The following LCN10 variants were observed in gnomAD, a reference collection of about 807,000 sequenced individuals.
LCN10 encodes lipocalin 10.
A neutral mutation model predicts 25.1 loss-of-function variants in LCN10; 18 were observed. The observed-to-expected ratio is 0.72, with a 90% CI of 0.50 to 1.06. LCN10 has a LOEUF of 1.06. LCN10 is among the 50% of genes least tolerant of loss of function. The pLI is 0.00. For missense variants in LCN10, 257 were observed against 258.9 expected, an observed-to-expected ratio of 0.99 and a Z score of 0.05; for synonymous variants, 130 against 116.7, an observed-to-expected ratio of 1.11 and a Z score of -0.73.
At chr9:136,741,229 C>T (rs759465857) in intron 3 of LCN10, 23 bp downstream of exon 3, 6 of 1,604,014 alleles carry the variant, frequency 3.7e-6, no homozygotes, top group Non-Finnish European at 5.1e-6. Flanking sequence ...GCAGCTCCTC[C>T]AGGGCCCAGA....
chr9:136,740,719 C>T lies in LCN10; in HGVS notation c.475+117G>A, dbSNP rs2131068881. ...ATTGCCCCTGCCCTGACCACCGCCCCAACCCCCACTCTCCCTGCCCGCCTC... is the reference window on the plus strand; with the variant it reads ...ATTGCCCCTGCCCTGACCACCGCCCTAACCCCCACTCTCCCTGCCCGCCTC... On this transcript the variant is annotated intron_variant, in intron 4 of 5. Transcript: ENST00000497771. The surrounding 1 kb of genome is among the most constrained non-coding windows in gnomAD (Gnocchi z 5.3). 1 of 749,780 alleles carries T rather than the reference C, an allele frequency of 1.3e-6. No individual in the cohort carries two copies. Among genetic ancestry groups the T allele is most frequent in the Non-Finnish European group, 2.2e-6 (1 of 460,410 alleles). 46.4% of individuals were successfully genotyped at this position (749,780 alleles called of 1,614,324 possible). A position where few individuals can be genotyped will look rare whatever the true frequency, so the allele number is the denominator to read the frequency against.
At position 136,740,747 on chromosome 9, in the gene LCN10, C is replaced by CTCCTGCG; in HGVS notation, c.475+88_475+89insCGCAGGA. ...CCCCCACTCTCCCTGCCCGCCTCAC[C>CTCCTGCG]TCCTGCCCGGCCCCCTGTGCCCAGC... On this transcript the variant is annotated intron_variant, in intron 4 of 5. Coordinates refer to ENST00000497771, the MANE Select transcript of LCN10 (RefSeq NM_001001712.3). The surrounding 1 kb of genome is among the most constrained non-coding windows in gnomAD (Gnocchi z 5.3). The CTCCTGCG allele has an allele frequency of 1.0e-6, 1 of 1,003,600 alleles. No homozygotes were observed. Among genetic ancestry groups the CTCCTGCG allele is most frequent in the Admixed American group, 2.2e-5 (1 of 44,450 alleles). The allele number at this position is 1,003,600 out of a possible 1,614,324, so 62.2% of individuals were successfully genotyped here. A position where few individuals can be genotyped will look rare whatever the true frequency, so the allele number is the denominator to read the frequency against.
At position 136,739,726 on chromosome 9, in the gene LCN10, C is replaced by T. The variant is rs1049963218; in HGVS notation, c.575-173G>A. On this transcript the variant is annotated intron_variant, in intron 5 of 5. Coordinates refer to ENST00000497771, the MANE Select transcript of LCN10 (RefSeq NM_001001712.3). The surrounding 1 kb of genome is among the most constrained non-coding windows in gnomAD (Gnocchi z 6.1). The stretch of plus-strand genomic sequence containing the variant: ...AGCCACAGCCACGGCATCGCCTGGT[C>T]GGATGCAGCATCTGCTCCGGACGCC... The T allele has an allele frequency of 1.1e-5, 8 of 743,954 alleles. No homozygotes were observed. The East Asian group carries it at 1.1e-4, about 10-fold the overall frequency. 46.1% of individuals were successfully genotyped at this position (743,954 alleles called of 1,614,324 possible).
In LCN10 at chr9:136,739,718, C is replaced by T. The variant is rs933785624; in HGVS notation, c.575-165G>A. On this transcript the variant is annotated intron_variant, in intron 5 of 5. Coordinates refer to ENST00000497771, the MANE Select transcript of LCN10 (RefSeq NM_001001712.3). This position sits in a 1 kb window ranked among gnomAD's most constrained non-coding sequence, Gnocchi z 6.1. The stretch of plus-strand genomic sequence containing the variant: ...GATCCTGCAGCCACAGCCACGGCAT[C>T]GCCTGGTCGGATGCAGCATCTGCTC... The T allele has an allele frequency of 8.0e-6, 6 of 752,242 alleles. No individual in the cohort carries two copies. Among genetic ancestry groups the T allele is most frequent in the African/African-American group, 3.4e-5 (2 of 58,020 alleles). The allele number at this position is 752,242 out of a possible 1,614,324, so 46.6% of individuals were successfully genotyped here. A position where few individuals can be genotyped will look rare whatever the true frequency, so the allele number is the denominator to read the frequency against.
chr9:136,738,538 A>T lies in LCN10; in HGVS notation c.*987T>A, dbSNP rs934951146. On this transcript the variant is annotated 3_prime_UTR_variant, in exon 6 of 6. Coordinates refer to ENST00000497771, the MANE Select transcript of LCN10 (RefSeq NM_001001712.3). ...CTTTGGGATCCCCTTGGCCAGAAGA[A>T]GGTCCATTCATTCAGTTGGGGGGTT... The T allele has an allele frequency of 2.0e-5, 3 of 152,126 alleles. No individual in the cohort carries two copies. Among genetic ancestry groups the T allele is most frequent in the Non-Finnish European group, 4.4e-5 (3 of 68,020 alleles). 9.4% of individuals were successfully genotyped at this position (152,126 alleles called of 1,614,324 possible). A position where few individuals can be genotyped will look rare whatever the true frequency, so the allele number is the denominator to read the frequency against.
At position 136,739,949 on chromosome 9, in the gene LCN10, C is replaced by A. The variant is rs747058652; in HGVS notation, c.574+1G>T. On this transcript the variant is annotated splice_donor_variant, in intron 5 of 5. Transcript: ENST00000497771. LOFTEE classifies it high-confidence loss of function. This position sits in a 1 kb window ranked among gnomAD's most constrained non-coding sequence, Gnocchi z 6.1. ...GGCAAAGGGCTGAGGGCACAGCTTA[C>A]CGTCTTTCGGGAGGATGACGGCGGC... 3.2e-6 allele frequency: 5 copies of A among 1,582,046 alleles called. No homozygotes were observed. The highest frequency in any genetic ancestry group is 1.8e-5 in the Admixed American group (1 of 55,324).
At chr9:136,742,299 C>G (rs1306561562) in intron 1 of LCN10, 11 of 484,152 alleles carry the variant, frequency 2.3e-5, no homozygotes, top group Non-Finnish European at 3.7e-5. Flanking sequence ...GGCCCCGGCT[C>G]CTTCCCACAT....
chr9:136,738,819 T>G lies in LCN10; in HGVS notation c.*706A>C, dbSNP rs1478266839. The G allele has an allele frequency of 6.6e-6, 1 of 152,420 alleles. No homozygotes were observed. Among genetic ancestry groups the G allele is most frequent in the Non-Finnish European group, 1.5e-5 (1 of 68,194 alleles). The allele number at this position is 152,420 out of a possible 1,614,324, so 9.4% of individuals were successfully genotyped here. On this transcript the variant is annotated 3_prime_UTR_variant, in exon 6 of 6. Coordinates refer to ENST00000497771, the MANE Select transcript of LCN10 (RefSeq NM_001001712.3). Reference sequence around the variant, plus strand: ...CAAACTGACTTAACACCCACCACCCTTCCCAGGTCAGCCCAAATGCCACTT... The same window carrying G: ...CAAACTGACTTAACACCCACCACCCGTCCCAGGTCAGCCCAAATGCCACTT...
Position 136,740,699 on chromosome 9 carries a change from C to T in LCN10, c.475+137G>A, listed in dbSNP as rs550173321. 2 of 651,732 alleles carry T rather than the reference C, an allele frequency of 3.1e-6. No homozygotes were observed. The highest frequency in any genetic ancestry group is 2.7e-5 in the East Asian group (1 of 36,644). 40.4% of individuals were successfully genotyped at this position (651,732 alleles called of 1,614,324 possible). ...CTGCTGTGGTCTCGGCTTCCATTGC[C>T]CCTGCCCTGACCACCGCCCCAACCC... On this transcript the variant is annotated intron_variant, in intron 4 of 5. Transcript: ENST00000497771. This position sits in a 1 kb window ranked among gnomAD's most constrained non-coding sequence, Gnocchi z 5.3.
intron 3 of LCN10, 129 bp from the exon 4 acceptor site, chr9:136,741,072 G>A (rs1476636438): frequency 7.0e-6 from 7 of 997,584 alleles, no homozygotes; most frequent in Non-Finnish European, 1.1e-5. Flanking sequence ...GGGACTGAGT[G>A]CCCTCCCGGG....
chr9:136,740,041 C>T lies in LCN10; in HGVS notation c.483G>A (p.Gln161=). 1.9e-6 allele frequency: 3 copies of T among 1,569,512 alleles called. No individual in the cohort carries two copies. The highest frequency in any genetic ancestry group is 2.6e-6 in the Non-Finnish European group (3 of 1,156,076). ...NYKNLLLFHR[Q]NVSSFQSLKE... is the part of the protein sequence containing the mutation. The stretch of plus-strand genomic sequence containing the variant: ...TCAGACTCTGGAAGCTCGAAACATT[C>T]TGCCTATCTGAGGTTGAGATCAGGA... The change falls in exon 5 of 6, where the codon CAG becomes CAA. Residue 161 remains glutamine, a synonymous_variant. Coordinates refer to ENST00000497771, the MANE Select transcript of LCN10 (RefSeq NM_001001712.3). The surrounding 1 kb of genome is among the most constrained non-coding windows in gnomAD (Gnocchi z 5.3).
In LCN10 at chr9:136,739,980, A is replaced by G; in HGVS notation, c.544T>C (p.Ser182Pro). The G allele has an allele frequency of 6.3e-7, 1 of 1,592,516 alleles. No individual in the cohort carries two copies. Among genetic ancestry groups the G allele is most frequent in the Non-Finnish European group, 8.6e-7 (1 of 1,169,398 alleles). Reference sequence around the variant, plus strand: ...TTCGGGAGGATGACGGCGGCCTTGGAGAGCCCCAGAATGTCACAAGCGTCC... The same window carrying G: ...TTCGGGAGGATGACGGCGGCCTTGGGGAGCCCCAGAATGTCACAAGCGTCC... ...FMDACDILGL[S>P]KAAVILPKDA... The change falls in exon 5 of 6, where the codon TCC becomes CCC. Residue 182 changes from serine (S) to proline (P), a missense_variant. By Grantham distance (74) the Ser-to-Pro change is moderately conservative. Transcript: ENST00000497771. The surrounding 1 kb of genome is among the most constrained non-coding windows in gnomAD (Gnocchi z 6.1).
rs1329971865 is a variant in LCN10 at position 136,740,763 on chromosome 9, T to C, written c.475+73A>G. The C allele has an allele frequency of 2.0e-5, 16 of 819,414 alleles. No individual in the cohort carries two copies. The highest frequency in any genetic ancestry group is 2.4e-5 in the Non-Finnish European group (14 of 589,120). The allele number at this position is 819,414 out of a possible 1,614,324, so 50.8% of individuals were successfully genotyped here. ...CCGCCTCACCTCCTGCCCGGCCCCC[T>C]GTGCCCAGCGCCCCTCTATGCCTCC... On this transcript the variant is annotated intron_variant, in intron 4 of 5. Coordinates refer to ENST00000497771, the MANE Select transcript of LCN10 (RefSeq NM_001001712.3). The surrounding 1 kb of genome is among the most constrained non-coding windows in gnomAD (Gnocchi z 5.3).
intron 1 of LCN10, chr9:136,742,560 TC>T (rs2131072281): frequency 3.4e-6 from 2 of 583,764 alleles, no homozygotes; most frequent in Non-Finnish European, 6.0e-6. Flanking sequence ...ACCCTGGCCC[TC>T]CCTGACCCCC....
Position 136,741,535 on chromosome 9 carries a change from G to A in LCN10, c.258-174C>T. The A allele has an allele frequency of 2.0e-5, 12 of 614,912 alleles. No homozygotes were observed. The South Asian group carries it at 2.0e-4, about 10-fold the overall frequency. The allele number at this position is 614,912 out of a possible 1,614,324, so 38.1% of individuals were successfully genotyped here. Reference sequence around the variant, plus strand: ...CACTATCCAACTCGTGTCAATCTGAGGCTCTGTGGTTTGAGGATTTTCCAA... The same window carrying A: ...CACTATCCAACTCGTGTCAATCTGAAGCTCTGTGGTTTGAGGATTTTCCAA... On this transcript the variant is annotated intron_variant, in intron 2 of 5. Transcript: ENST00000497771.
intron 1 of LCN10, 119 bp downstream of exon 1, chr9:136,742,668 C>G: frequency 7.9e-7 from 1 of 1,270,300 alleles, no homozygotes; most frequent in Non-Finnish European, 1.1e-6. Flanking sequence ...AGGTGGGCAG[C>G]GCCCGTGCCT....
chr9:136,741,092 C>G, intron 3 of LCN10, 149 bp from the exon 4 acceptor site: 3 of 998,290 alleles, frequency 3.0e-6, no homozygotes, highest in Non-Finnish European at 4.5e-6. Flanking sequence ...GGCCTCCCCT[C>G]CCGGGCCAGG....
At chr9:136,742,198 G>A in intron 1 of LCN10, 178 bp from the exon 2 acceptor site, 1 of 731,846 alleles carries the variant, frequency 1.4e-6, no homozygotes, top group Non-Finnish European at 2.2e-6. Context: ...GAGCAGGGCT[G>A]CAGAGAAGCA....
intron 3 of LCN10, 113 bp from the exon 4 acceptor site, chr9:136,741,056 TC>T: frequency 1.9e-6 from 2 of 1,068,704 alleles, no homozygotes; most frequent in Non-Finnish European, 2.8e-6. Flanking sequence ...GGTGCAGGTG[TC>T]CAGAGGGACT....
Sources: gnomAD v4.1 joint callset for allele counts on GRCh38, gnomAD v4.1.1 for gene constraint, Gnocchi (gnomAD v3.1) non-coding constraint, MANE v1.5 for transcripts, NCBI Gene and HGNC (gene_info 2026-07-23, HGNC 2026-07-21) for gene names.